Variants in ERICH3 observed in about 807,000 individuals in gnomAD.
ERICH3 encodes the protein glutamate rich 3, also known as glutamate-rich protein 3.
Under a neutral mutation model 131.1 loss-of-function variants are expected in ERICH3, and 126 were observed. The observed-to-expected ratio is 0.96, with a 90% CI of 0.83 to 1.11. The LOEUF is 1.11. ERICH3 is among the 50% of genes most tolerant of loss of function. The pLI is 0.00. For synonymous variants in ERICH3, 695 were observed against 644.6 expected (o/e 1.08, Z -1.18); for missense variants, 2,050 against 1,810.7 (o/e 1.13, Z -2.40).
intron 1 of ERICH3, among the ~76,000 whole-genome samples, chr1:74,665,230 T>C (rs1378316409): frequency 6.6e-6 from 1 of 151,108 alleles, no homozygotes; most frequent in Non-Finnish European, 1.5e-5. Flanking sequence ...AAAACAGCCA[T>C]CTGTGAACCA....
In ERICH3 at chr1:74,619,776, A is replaced by G. The variant is rs1413389248; in HGVS notation, c.1000+958T>C. ...GAAATGGAAAAAAACAGTTTCTGAC[A>G]TCATTGAGCATCATATTGTGTTTCA... On this transcript the variant is annotated intron_variant, in intron 8 of 14. Transcript: ENST00000326665. Among the ~76,000 whole-genome samples, 4 of 152,248 alleles carry G rather than the reference A, an allele frequency of 2.6e-5. No individual in the cohort carries two copies. In the East Asian group the frequency reaches 7.7e-4, roughly 29 times the overall value.
At chr1:74,646,596 A>T in intron 3 of ERICH3, 71 bp downstream of exon 3, 1 of 939,988 alleles carries the variant, frequency 1.1e-6, no homozygotes, top group Non-Finnish European at 1.5e-6. Flanking sequence ...GTAAAGATTT[A>T]TACCTCCATC....
rs551087261 is a variant in ERICH3 at position 74,658,210 on chromosome 1, C to T, written c.24-8895G>A. On this transcript the variant is annotated intron_variant, in intron 1 of 14. Transcript: ENST00000326665. ...ACTGAATGTTCTCTATGAGGTATTCCTCCTCCTTCTGCTCTTCCTTTTCCC... is the reference window on the plus strand; with the variant it reads ...ACTGAATGTTCTCTATGAGGTATTCTTCCTCCTTCTGCTCTTCCTTTTCCC... Among the ~76,000 whole-genome samples the T allele has an allele frequency of 2.6e-5, 4 of 152,274 alleles. No individual in the cohort carries two copies. The South Asian group carries it at 6.2e-4, about 24-fold the overall frequency.
chr1:74,605,999 C>T (rs928315918), intron 10 of ERICH3, among the ~76,000 whole-genome samples: 10 of 107,844 alleles, frequency 9.3e-5, no homozygotes, highest in South Asian at 3.3e-4. Flanking sequence ...TATATGAATG[C>T]GCGTGTGTCT....
intron 11 of ERICH3, among the ~76,000 whole-genome samples, chr1:74,590,909 T>C (rs1437360623): frequency 6.6e-6 from 1 of 152,208 alleles, no homozygotes; most frequent in Non-Finnish European, 1.5e-5. Flanking sequence ...AAACGCTTTA[T>C]AAATATTCAC....
intron 3 of ERICH3, among the ~76,000 whole-genome samples, chr1:74,643,946 C>A (rs1006419350): frequency 1.3e-5 from 2 of 152,010 alleles, no homozygotes; most frequent in African/African-American, 2.4e-5. Flanking sequence ...CAGCCGTTGT[C>A]TCTGAAAGGA....
intron 13 of ERICH3, among the ~76,000 whole-genome samples, chr1:74,573,989 C>A (rs1388191162): frequency 6.7e-6 from 1 of 149,018 alleles, no homozygotes; most frequent in East Asian, 1.9e-4. Context: ...GTCTCTTTTT[C>A]TCTCTTTTTT....
chr1:74,632,794 A>G (rs1233484547), intron 6 of ERICH3, among the ~76,000 whole-genome samples: 1 of 151,994 alleles, frequency 6.6e-6, no homozygotes, highest in Non-Finnish European at 1.5e-5. Context: ...AAAAATAAGA[A>G]TGACTGAAAA....
intron 7 of ERICH3, among the ~76,000 whole-genome samples, chr1:74,627,433 G>A (rs1466568390): frequency 6.6e-6 from 1 of 151,684 alleles, no homozygotes; most frequent in African/African-American, 2.4e-5. Flanking sequence ...GAAATGTCAT[G>A]GTAAGTTAAA....
chr1:74,593,579 A>G (rs530935936), intron 11 of ERICH3, among the ~76,000 whole-genome samples: 1 of 152,262 alleles, frequency 6.6e-6, no homozygotes, highest in Non-Finnish European at 1.5e-5. Context: ...TCATACATGT[A>G]GCATATTCTA....
chr1:74,597,210 A>G (rs1647892457), intron 11 of ERICH3, among the ~76,000 whole-genome samples: 1 of 152,046 alleles, frequency 6.6e-6, no homozygotes, highest in South Asian at 2.1e-4. Context: ...TAAAATCTCT[A>G]ATGCTGACAC....
chr1:74,623,958 T>TA (rs976754651), intron 7 of ERICH3: 1 of 152,180 alleles, frequency 6.6e-6, no homozygotes, highest in Non-Finnish European at 1.5e-5. Context: ...AGTCACATGA[T>TA]ATTGGAACTA....
chr1:74,615,632 A>G (rs755191420), intron 8 of ERICH3, among the ~76,000 whole-genome samples: 10 of 152,294 alleles, frequency 6.6e-5, no homozygotes, highest in Non-Finnish European at 1.0e-4. Flanking sequence ...CGGTCACCAA[A>G]TCCTCTCTTT....
intron 1 of ERICH3, among the ~76,000 whole-genome samples, chr1:74,657,959 T>A (rs1646601756): frequency 6.6e-6 from 1 of 152,162 alleles, no homozygotes; most frequent in Non-Finnish European, 1.5e-5. Flanking sequence ...GAATGGAAAC[T>A]TCTGGAAACT....
rs1648037450 is a variant in ERICH3 at position 74,599,794 on chromosome 1, C to A, written c.1627G>T (p.Glu543Ter). Residue 543 changes from glutamate (E) to a stop codon, truncating the protein, a stop_gained, in exon 11 of 15, where the codon GAG (glutamate) becomes TAG (stop). Transcript: ENST00000326665. LOFTEE classifies it high-confidence loss of function. ...DKKDNLDPEK[E>*]SETSSQKAPD... is the part of the protein sequence containing the mutation. ...GCCTTCTGTGATGAGGTTTCACTCT[C>A]TTTTTCAGGGTCTAAATTATCTTTT... 1 of 1,612,490 alleles carries A rather than the reference C, an allele frequency of 6.2e-7. No individual in the cohort carries two copies. The highest frequency in any genetic ancestry group is 8.5e-7 in the Non-Finnish European group (1 of 1,179,014).
chr1:74,659,744 T>A (rs1319152411), intron 1 of ERICH3, among the ~76,000 whole-genome samples: 2 of 152,144 alleles, frequency 1.3e-5, no homozygotes, highest in Non-Finnish European at 2.9e-5. Context: ...AATAAGTAAA[T>A]TATACTCATA....
At chr1:74,592,215 C>A (rs1387705637) in intron 11 of ERICH3, 2 of 152,088 alleles carry the variant, frequency 1.3e-5, no homozygotes, top group African/African-American at 4.8e-5. Context: ...ACCAGATGAC[C>A]ACTATTTTTC....
rs554241687 is a variant in ERICH3 at position 74,673,713 on chromosome 1, C to T, written c.-194G>A. The T allele has an allele frequency of 1.3e-5, 6 of 452,942 alleles. No homozygotes were observed. In the East Asian group the frequency reaches 2.3e-4, roughly 17 times the overall value. 28.1% of individuals were successfully genotyped at this position (452,942 alleles called of 1,614,324 possible). A position where few individuals can be genotyped will look rare whatever the true frequency, so the allele number is the denominator to read the frequency against. On this transcript the variant is annotated 5_prime_UTR_variant, in exon 1 of 15. Transcript: ENST00000326665. ...CCGCAGCCTCCCGGGCTCCCACCCT[C>T]CGTTGGTATCCACAGCTTCCCTGTT...
intron 13 of ERICH3, among the ~76,000 whole-genome samples, chr1:74,575,662 T>A (rs1215201937): frequency 3.3e-5 from 5 of 152,216 alleles, no homozygotes; most frequent in Admixed American, 3.3e-4. Flanking sequence ...ATAAAAACAT[T>A]TAAAGAAAGT....
Sources: gnomAD v4.1 joint callset for allele counts (sites outside exome capture counted in the v4.1 genomes callset) on GRCh38, gnomAD v4.1.1 for gene constraint, MANE v1.5 for transcripts, NCBI Gene and HGNC (gene_info 2026-07-23, HGNC 2026-07-21) for gene names.